STAB2: variants seen among roughly 807,000 people sequenced by gnomAD.
STAB2 encodes stabilin 2, also known as stabilin-2.
STAB2 carries 288 observed loss-of-function variants against 338.1 expected under a neutral mutation model. The observed-to-expected ratio is 0.85, with a 90% CI of 0.77 to 0.94. STAB2 has a LOEUF of 0.94. Among genes scored for constraint, STAB2 ranks in the 40% least tolerant of loss-of-function variants. The probability of loss-of-function intolerance (pLI) is 0.00; values close to 1 mark genes in which losing one functional copy is unlikely to be tolerated. For synonymous variants in STAB2, 1,202 were observed against 1,193.3 expected (o/e 1.01, Z -0.15); for missense variants, 3,141 against 3,210.1 (o/e 0.98, Z 0.52).
chr12:103,657,650 T>C (rs764432100), intron 15 of STAB2: 1 of 152,220 alleles, frequency 6.6e-6, no homozygotes, highest in Non-Finnish European at 1.5e-5. Context: ...TGGCTCTCAA[T>C]CTTGTTTCTC....
Position 103,730,271 on chromosome 12 carries a change from T to G in STAB2, c.5223+15T>G. ...GAAGAATTCTGGTAGGTAAACTCTC[T>G]GTTATGTTTTCAGCCTGGAGTGACT... is the stretch of plus-strand genomic sequence containing the variant. On this transcript the variant is annotated intron_variant, in intron 49 of 68. Coordinates refer to ENST00000388887, the MANE Select transcript of STAB2 (RefSeq NM_017564.10). 1 of 1,613,242 alleles carries G rather than the reference T, an allele frequency of 6.2e-7. No homozygotes were observed.
In STAB2 at chr12:103,760,959, C is replaced by T. The variant is rs12580706; in HGVS notation, c.7249-341C>T. ...ATACAGCTTTTCTAACAGTGTGGTGCGATGTTCAGTGCATGGACGCAGCGT... is the reference window on the plus strand; with the variant it reads ...ATACAGCTTTTCTAACAGTGTGGTGTGATGTTCAGTGCATGGACGCAGCGT... On this transcript the variant is annotated intron_variant, in intron 65 of 68. Transcript: ENST00000388887. 1.2e-4 allele frequency among the ~76,000 whole-genome samples: 18 copies of T among 151,736 alleles called. No individual in the cohort carries two copies. In the East Asian group the frequency reaches 2.5e-3, roughly 21 times the overall value.
At chr12:103,752,361 A>G (rs957951976) in intron 60 of STAB2, among the ~76,000 whole-genome samples, 3 of 152,218 alleles carry the variant, frequency 2.0e-5, no homozygotes, top group Non-Finnish European at 4.4e-5. Context: ...TGACTTACGC[A>G]CTGTGCTACT....
At position 103,595,541 on chromosome 12, in the gene STAB2, C is replaced by T. The variant is rs143078007; in HGVS notation, c.331+1031C>T. ...TGAATCCATACTGTATGTATAATGT[C>T]TTTTGGGTTTTTTGTTTGTTTATTT... On this transcript the variant is annotated intron_variant, in intron 3 of 68. Transcript: ENST00000388887. 6.8e-4 allele frequency among the ~76,000 whole-genome samples: 103 copies of T among 151,964 alleles called. 1 individual carries two copies. The East Asian group carries it at 0.02, about 29-fold the overall frequency.
intron 15 of STAB2, among the ~76,000 whole-genome samples, chr12:103,656,153 G>A (rs1244993918): frequency 1.3e-5 from 2 of 152,176 alleles, no homozygotes; most frequent in Non-Finnish European, 2.9e-5. Flanking sequence ...CATTTAAAGT[G>A]TTTCCTTTCC....
chr12:103,609,698 G>T (rs1364283683), intron 3 of STAB2, among the ~76,000 whole-genome samples: 1 of 151,960 alleles, frequency 6.6e-6, no homozygotes, highest in Non-Finnish European at 1.5e-5. Context: ...CTGCCTGATT[G>T]CCCTGGCCAG....
At chr12:103,673,242 G>A (rs1049042124) in intron 22 of STAB2, among the ~76,000 whole-genome samples, 1 of 152,114 alleles carries the variant, frequency 6.6e-6, no homozygotes, top group African/African-American at 2.4e-5. Flanking sequence ...CTCCAACCAG[G>A]AAGTAGTTGA....
Position 103,650,594 on chromosome 12 carries a change from G to C in STAB2, c.1257+16G>C, listed in dbSNP as rs1445466685. The C allele has an allele frequency of 1.2e-6, 2 of 1,607,454 alleles. No individual in the cohort carries two copies. The highest frequency in any genetic ancestry group is 2.7e-5 in the African/African-American group (2 of 74,778). ...AGGATTCAATGTGAGTATTTAAAAT[G>C]ACCCTACACCAAGGGGCTAATATGA... is the stretch of plus-strand genomic sequence containing the variant. On this transcript the variant is annotated intron_variant, in intron 11 of 68. Transcript: ENST00000388887.
intron 5 of STAB2, among the ~76,000 whole-genome samples, chr12:103,626,145 C>T (rs1049429546): frequency 2.6e-5 from 4 of 152,202 alleles, no homozygotes; most frequent in Admixed American, 6.5e-5. Flanking sequence ...TCCAATAGAA[C>T]TTTCTGTGAT....
In STAB2 at chr12:103,685,063, G is replaced by C; in HGVS notation, c.2976G>C (p.Leu992=). ...AGGGCTATGAAGGAGATGGCTTTCT[G>C]TGCTATGGAAACGCAGCAGTGGTAA... is the stretch of plus-strand genomic sequence containing the variant. The part of the protein sequence containing the change: ...CQEGYEGDGF[L]CYGNAAVELS... The change falls in exon 27 of 69, where the codon CTG becomes CTC. Residue 992 remains leucine (L), a synonymous_variant. Coordinates refer to ENST00000388887, the MANE Select transcript of STAB2 (RefSeq NM_017564.10). The C allele has an allele frequency of 6.2e-7, 1 of 1,613,994 alleles. No homozygotes were observed. The highest frequency in any genetic ancestry group is 8.5e-7 in the Non-Finnish European group (1 of 1,179,886).
At chr12:103,708,620 A>G in intron 39 of STAB2, 84 bp downstream of exon 39, 1 of 1,302,110 alleles carries the variant, frequency 7.7e-7, no homozygotes, top group Non-Finnish European at 1.1e-6. Flanking sequence ...AATATAAATG[A>G]CACCTTTTTT....
At chr12:103,765,295 G>C (rs563706077) in intron 68 of STAB2, among the ~76,000 whole-genome samples, 2 of 152,098 alleles carry the variant, frequency 1.3e-5, no homozygotes, top group Non-Finnish European at 2.9e-5. Flanking sequence ...CCTGAGGCAG[G>C]TGAGAAAGTA....
At chr12:103,756,983 CAGA>C (rs1288130598) in intron 63 of STAB2, among the ~76,000 whole-genome samples, 2 of 86,240 alleles carry the variant, frequency 2.3e-5, no homozygotes, top group African/African-American at 8.3e-5. Flanking sequence ...CTCAGTAGCC[CAGA>C]AGGAGGGAAA....
At chr12:103,705,885 A>G (rs961877725) in intron 37 of STAB2, among the ~76,000 whole-genome samples, 158 bp downstream of exon 37, 1 of 152,226 alleles carries the variant, frequency 6.6e-6, no homozygotes, top group African/African-American at 2.4e-5. Flanking sequence ...TAGTGGTAGC[A>G]GTAAAGCTCA....
chr12:103,630,710 T>C (rs894091475), intron 5 of STAB2, among the ~76,000 whole-genome samples: 15 of 152,230 alleles, frequency 9.9e-5, no homozygotes, highest in African/African-American at 1.9e-4. Context: ...GCCCTGAAGA[T>C]GGAGAAAGGG....
At chr12:103,631,799 C>A (rs1414844706) in intron 6 of STAB2, 106 bp downstream of exon 6, 162 of 999,276 alleles carry the variant, frequency 1.6e-4, no homozygotes, top group South Asian at 7.2e-4. Context: ...CAAGGTACTA[C>A]CAAAAGTTTT....
At chr12:103,729,708 G>A (rs1237695682) in intron 48 of STAB2, among the ~76,000 whole-genome samples, 1 of 152,168 alleles carries the variant, frequency 6.6e-6, no homozygotes, top group Non-Finnish European at 1.5e-5. Context: ...AGGTTTGAAA[G>A]CTTTTGATCC....
chr12:103,736,711 G>A (rs1273768092), intron 52 of STAB2, among the ~76,000 whole-genome samples: 1 of 152,034 alleles, frequency 6.6e-6, no homozygotes, highest in Non-Finnish European at 1.5e-5. Flanking sequence ...ATGAACCTCA[G>A]AGAGGTTCAG....
intron 6 of STAB2, among the ~76,000 whole-genome samples, chr12:103,634,457 A>T (rs1826594): frequency 0.23 from 34,868 of 151,998 alleles, 4,323 homozygotes; most frequent in South Asian, 0.41. Flanking sequence ...TACAATCTGT[A>T]TCAAACTTTA....
Sources: gnomAD v4.1 joint callset for allele counts (sites outside exome capture counted in the v4.1 genomes callset) on GRCh38, gnomAD v4.1.1 for gene constraint, MANE v1.5 for transcripts, NCBI Gene and HGNC (gene_info 2026-07-23, HGNC 2026-07-21) for gene names.